RPS6KA6: variants seen among roughly 807,000 people sequenced by gnomAD.
The protein encoded by RPS6KA6 is ribosomal protein S6 kinase alpha-6.
In RPS6KA6, 27 loss-of-function variants were observed where a neutral mutation model predicts 65.4. The ratio of observed to expected loss-of-function variants is 0.41; its 90% confidence interval spans 0.30 to 0.57. RPS6KA6 has a LOEUF of 0.57. Among genes scored for constraint, RPS6KA6 ranks in the 20% least tolerant of loss-of-function variants. The pLI, the probability that RPS6KA6 is intolerant of heterozygous loss-of-function variation, is 0.24. For missense variants in RPS6KA6, 486 were observed against 555.6 expected, an observed-to-expected ratio of 0.87 and a Z score of 1.26; for synonymous variants, 190 against 184.2, an observed-to-expected ratio of 1.03 and a Z score of -0.26.
intron 1 of RPS6KA6, among the ~76,000 whole-genome samples, chrX:84,171,730 G>C (rs776896294): frequency 1.8e-5 from 2 of 111,346 alleles, no homozygotes; most frequent in Admixed American, 9.6e-5. Flanking sequence ...TTGTTACACA[G>C]GTATACATGT....
intron 15 of RPS6KA6, 66 bp downstream of exon 15, chrX:84,106,299 T>C: frequency 2.0e-6 from 2 of 1,009,890 alleles, no homozygotes; most frequent in East Asian, 6.5e-5. Context: ...AAAATGTTTG[T>C]CAGTTGACTC....
chrX:84,061,528 C>CAA lies in RPS6KA6; in HGVS notation c.*2747_*2748dup, dbSNP rs35214197. The CAA allele has an allele frequency of 1.8e-5, 2 of 109,914 alleles. No individual in the cohort carries two copies. The highest frequency in any genetic ancestry group is 9.7e-5 in the Admixed American group (1 of 10,292). 9.1% of individuals were successfully genotyped at this position (109,914 alleles called of 1,213,427 possible). ...GACTTGAAACCATTGTTTTTTCCCACAAAAATCCCCATCACCAGCACTGCA... is the reference window on the plus strand; with the variant it reads ...GACTTGAAACCATTGTTTTTTCCCACAAAAAAATCCCCATCACCAGCACTGCA... On this transcript the variant is annotated 3_prime_UTR_variant, in exon 22 of 22. Transcript: ENST00000262752.
intron 16 of RPS6KA6, among the ~76,000 whole-genome samples, chrX:84,105,224 A>G (rs1241543765): frequency 1.8e-5 from 2 of 111,034 alleles, no homozygotes; most frequent in Admixed American, 9.7e-5. Context: ...ATCAAAGTGC[A>G]TATCATTTTC....
chrX:84,139,665 A>G (rs1395900694), intron 6 of RPS6KA6, among the ~76,000 whole-genome samples: 1 of 112,086 alleles, frequency 8.9e-6, no homozygotes, highest in African/African-American at 3.2e-5. Flanking sequence ...ACATTGAACT[A>G]CTATCACCCA....
intron 20 of RPS6KA6, among the ~76,000 whole-genome samples, chrX:84,075,332 A>G (rs1358183326): frequency 2.7e-5 from 3 of 112,221 alleles, no homozygotes; most frequent in Non-Finnish European, 5.6e-5. Context: ...AATATACACA[A>G]TAGATACTTT....
chrX:84,117,368 T>C lies in RPS6KA6; in HGVS notation c.860+16A>G. 9.6e-7 allele frequency: 1 copy of C among 1,042,157 alleles called. No homozygotes were observed. Among genetic ancestry groups the C allele is most frequent in the East Asian group, 3.1e-5 (1 of 31,803 alleles). 85.9% of individuals were successfully genotyped at this position (1,042,157 alleles called of 1,213,427 possible). A position where few individuals can be genotyped will look rare whatever the true frequency, so the allele number is the denominator to read the frequency against. ...AGATTTTTTTCCCAAAAGAAAAACATACTGTTTACACTTACTTTAATATCA... is the reference window on the plus strand; with the variant it reads ...AGATTTTTTTCCCAAAAGAAAAACACACTGTTTACACTTACTTTAATATCA... On this transcript the variant is annotated intron_variant, in intron 10 of 21. Coordinates refer to ENST00000262752, the MANE Select transcript of RPS6KA6 (RefSeq NM_014496.5).
At chrX:84,069,999 T>C (rs2033500012) in intron 20 of RPS6KA6, among the ~76,000 whole-genome samples, 1 of 112,042 alleles carries the variant, frequency 8.9e-6, no homozygotes, top group Non-Finnish European at 1.9e-5. Context: ...GAAGACAGTG[T>C]GGCAATTCCT....
At chrX:84,128,925 T>C (rs1180806846) in intron 8 of RPS6KA6, among the ~76,000 whole-genome samples, 1 of 111,961 alleles carries the variant, frequency 8.9e-6, no homozygotes, top group Non-Finnish European at 1.9e-5. Flanking sequence ...TGCCAGCATA[T>C]TGGACTGGGC....
At chrX:84,075,194 T>C in intron 20 of RPS6KA6, among the ~76,000 whole-genome samples, 1 of 111,414 alleles carries the variant, frequency 9.0e-6, no homozygotes, top group African/African-American at 3.3e-5. Flanking sequence ...ATTGCGCCAC[T>C]GCACTCCAGC....
intron 1 of RPS6KA6, among the ~76,000 whole-genome samples, chrX:84,185,161 C>T (rs1324345925): frequency 1.8e-5 from 2 of 111,525 alleles, no homozygotes; most frequent in Non-Finnish European, 3.8e-5. Context: ...ATTGTGACTG[C>T]GTGAGGGGTG....
Position 84,151,159 on chromosome X carries a change from G to GAT in RPS6KA6, c.259-3038_259-3037dup, listed in dbSNP as rs1156853341. Among the ~76,000 whole-genome samples the GAT allele has an allele frequency of 1.1e-4, 10 of 94,647 alleles. No individual in the cohort carries two copies. In the South Asian group the frequency reaches 1.5e-3, roughly 14 times the overall value. The allele number at this position is 94,647 out of a possible 115,157, so 82.2% of individuals were successfully genotyped here. ...ATATAGGATATATAGATATATATAG[G>GAT]ATATATAGATATATATATAGCTATA... On this transcript the variant is annotated intron_variant, in intron 3 of 21. Coordinates refer to ENST00000262752, the MANE Select transcript of RPS6KA6 (RefSeq NM_014496.5).
At chrX:84,127,950 A>G (rs764700742) in intron 8 of RPS6KA6, among the ~76,000 whole-genome samples, 4 of 111,687 alleles carry the variant, frequency 3.6e-5, no homozygotes, top group Non-Finnish European at 5.7e-5. Flanking sequence ...GTTAATCAAC[A>G]TAGTACTGCA....
chrX:84,085,406 GTGA>G (rs898189647), intron 20 of RPS6KA6, among the ~76,000 whole-genome samples: 10 of 111,282 alleles, frequency 9.0e-5, no homozygotes, highest in Non-Finnish European at 1.7e-4. Flanking sequence ...TTAACATGAA[GTGA>G]TGTTGAATTT....
intron 9 of RPS6KA6, among the ~76,000 whole-genome samples, chrX:84,117,755 A>C (rs1390095872): frequency 9.0e-6 from 1 of 111,701 alleles, no homozygotes; most frequent in East Asian, 2.8e-4. Flanking sequence ...AATACACACA[A>C]TGCATTTTCT....
At chrX:84,100,564 T>C (rs1306535254) in intron 18 of RPS6KA6, among the ~76,000 whole-genome samples, 2 of 110,964 alleles carry the variant, frequency 1.8e-5, no homozygotes, top group Admixed American at 1.9e-4. Flanking sequence ...TACTCTGCTC[T>C]TATGTCTACT....
chrX:84,092,864 G>A (rs1259488318), intron 20 of RPS6KA6, among the ~76,000 whole-genome samples: 2 of 111,514 alleles, frequency 1.8e-5, no homozygotes, highest in Non-Finnish European at 3.8e-5. Context: ...CAGTATGTAG[G>A]AGAGCTATCT....
intron 2 of RPS6KA6, among the ~76,000 whole-genome samples, chrX:84,157,748 A>ATT (rs1179468343): frequency 3.6e-5 from 4 of 111,140 alleles, no homozygotes; most frequent in Admixed American, 2.9e-4. Flanking sequence ...GATTATCACT[A>ATT]TAAGTATTGG....
chrX:84,106,471 G>A lies in RPS6KA6; in HGVS notation c.1259C>T (p.Ala420Val). 8.8e-7 allele frequency: 1 copy of A among 1,141,805 alleles called. No individual in the cohort carries two copies. The highest frequency in any genetic ancestry group is 2.4e-4 in the Middle Eastern group (1 of 4,211). 94.1% of individuals were successfully genotyped at this position (1,141,805 alleles called of 1,213,427 possible). A position where few individuals can be genotyped will look rare whatever the true frequency, so the allele number is the denominator to read the frequency against. ...LPIVQINGNA[A>V]QFGEVYELKE... ...CAATTCATATACTTCACCAAATTGT[G>A]CAGCATTTCCATTTATCTGTTTATT... is the stretch of plus-strand genomic sequence containing the variant. Residue 420 changes from alanine to valine, a missense_variant, in exon 15 of 22, where the codon GCA becomes GTA. Physicochemically the swap from Ala to Val is moderately conservative, Grantham distance 64. Around this residue, in one of 3 missense-constraint regions of RPS6KA6, gnomAD observed 345 missense variants for 375.0 expected, o/e 0.92. Transcript: ENST00000262752.
intron 1 of RPS6KA6, among the ~76,000 whole-genome samples, chrX:84,164,857 C>T (rs2035573321): frequency 9.0e-6 from 1 of 111,387 alleles, no homozygotes; most frequent in South Asian, 3.8e-4. Context: ...AAAAAATAAA[C>T]TATAGGAGAA....
Sources: allele counts gnomAD v4.1 joint callset (sites outside exome capture counted in the v4.1 genomes callset), GRCh38; gene constraint gnomAD v4.1.1; regional missense constraint gnomAD v4.1.1; transcripts MANE v1.5; gene names NCBI Gene and HGNC (gene_info 2026-07-23, HGNC 2026-07-21).